The following PHF2 variants were observed in gnomAD, a reference collection of about 807,000 sequenced individuals.
The protein encoded by PHF2 is lysine-specific demethylase PHF2.
In PHF2, 27 loss-of-function variants were observed where a neutral mutation model predicts 120.5. The observed-to-expected ratio is 0.22, with a 90% CI of 0.17 to 0.31. The LOEUF (loss-of-function observed/expected upper bound fraction) is 0.31. PHF2 is among the 10% of genes least tolerant of loss of function. PHF2 has a pLI of 1.00. For missense variants in PHF2, 1,024 were observed against 1,434.8 expected (o/e 0.71, Z 4.63); for synonymous variants, 568 against 592.5 (o/e 0.96, Z 0.60).
At chr9:93,647,340 G>A (rs1045723450) in intron 4 of PHF2, among the ~76,000 whole-genome samples, 38 of 152,320 alleles carry the variant, frequency 2.5e-4, no homozygotes, top group African/African-American at 9.1e-4. Flanking sequence ...TAATCATGCG[G>A]GTGGGGCCTG....
intron 14 of PHF2, among the ~76,000 whole-genome samples, chr9:93,664,858 A>G (rs1267783992): frequency 6.6e-6 from 1 of 152,234 alleles, no homozygotes; most frequent in Admixed American, 6.5e-5. Flanking sequence ...CCCAGCCCGT[A>G]AGGCAGCGGG....
At chr9:93,606,136 A>G (rs1246860595) in intron 1 of PHF2, among the ~76,000 whole-genome samples, 1 of 151,878 alleles carries the variant, frequency 6.6e-6, no homozygotes, top group East Asian at 1.9e-4. Flanking sequence ...TGCTCAGCTA[A>G]TTTTTGTATT....
chr9:93,666,986 G>A, intron 16 of PHF2, 94 bp from the exon 17 acceptor site: 1 of 858,564 alleles, frequency 1.2e-6, no homozygotes, highest in East Asian at 3.0e-5. Flanking sequence ...AACTAGTTTA[G>A]TCCCTGAAGG....
chr9:93,665,605 A>C, intron 14 of PHF2, 81 bp from the exon 15 acceptor site: 3 of 1,471,872 alleles, frequency 2.0e-6, no homozygotes, highest in Non-Finnish European at 2.8e-6. Context: ...CGGCCCTGGC[A>C]GAGGACCCCT....
intron 2 of PHF2, among the ~76,000 whole-genome samples, chr9:93,634,761 G>T (rs1826062823): frequency 6.6e-6 from 1 of 152,234 alleles, no homozygotes; most frequent in Non-Finnish European, 1.5e-5. Context: ...ACTGTGTGCT[G>T]GGCCCAGTAC....
At chr9:93,654,096 CAA>C (rs1383010278) in intron 6 of PHF2, among the ~76,000 whole-genome samples, 3 of 152,216 alleles carry the variant, frequency 2.0e-5, no homozygotes, top group Non-Finnish European at 2.9e-5. Context: ...AAGTGGCTCT[CAA>C]GAGTGGAGCT....
intron 1 of PHF2, among the ~76,000 whole-genome samples, chr9:93,614,585 G>A (rs1825690867): frequency 6.6e-6 from 1 of 152,250 alleles, no homozygotes; most frequent in African/African-American, 2.4e-5. Context: ...AAGGGGCTGA[G>A]CTGGGGTCTC....
intron 13 of PHF2, among the ~76,000 whole-genome samples, chr9:93,663,313 A>G (rs1231115183): frequency 6.6e-6 from 1 of 152,098 alleles, no homozygotes; most frequent in Non-Finnish European, 1.5e-5. Context: ...TTCCCACTCC[A>G]TGGGGGTCAG....
intron 1 of PHF2, among the ~76,000 whole-genome samples, chr9:93,615,215 T>C (rs1391744969): frequency 6.6e-6 from 1 of 150,860 alleles, no homozygotes; most frequent in African/African-American, 2.4e-5. Context: ...GTGATGGTGA[T>C]GGTGATAGTA....
chr9:93,671,158 A>C, intron 17 of PHF2: 1 of 971,356 alleles, frequency 1.0e-6, no homozygotes, highest in Non-Finnish European at 1.2e-6. Context: ...GTGTGGATGT[A>C]GGTGTGGGAG....
At chr9:93,663,673 A>G (rs769099509) in intron 14 of PHF2, 38 bp downstream of exon 14, 2 of 1,166,380 alleles carry the variant, frequency 1.7e-6, no homozygotes, top group South Asian at 1.3e-5. Context: ...GACCTCGCGC[A>G]TAACCGACAT....
In PHF2 at chr9:93,665,883, TTGGGGGAGGGGTG is replaced by T; in HGVS notation, c.2116+24_2116+36del. On this transcript the variant is annotated intron_variant, in intron 15 of 21. Coordinates refer to ENST00000359246, the MANE Select transcript of PHF2 (RefSeq NM_005392.4). ...TTGTCCTGTGAGTTGGGAGGGGGTG[TTGGGGGAGGGGTG>T]TGGGAGAGGCCCATCCTGCCCCGGA... is the stretch of plus-strand genomic sequence containing the variant. 1 of 1,612,626 alleles carries T rather than the reference TTGGGGGAGGGGTG, an allele frequency of 6.2e-7. No individual in the cohort carries two copies. The highest frequency in any genetic ancestry group is 8.5e-7 in the Non-Finnish European group (1 of 1,179,802).
intron 9 of PHF2, among the ~76,000 whole-genome samples, chr9:93,657,524 C>T (rs1826482085): frequency 6.6e-6 from 1 of 152,226 alleles, no homozygotes; most frequent in African/African-American, 2.4e-5. Context: ...TACTGGCCAG[C>T]CAGGCCACTG....
At chr9:93,589,902 G>A (rs923221560) in intron 1 of PHF2, among the ~76,000 whole-genome samples, 5 of 152,154 alleles carry the variant, frequency 3.3e-5, no homozygotes, top group Non-Finnish European at 5.9e-5. Context: ...ACCCTGGGTC[G>A]TCACTCTTGA....
Position 93,654,411 on chromosome 9 carries a change from A to T in PHF2, c.790-2A>T. 6.2e-7 allele frequency: 1 copy of T among 1,610,506 alleles called. No homozygotes were observed. Among genetic ancestry groups the T allele is most frequent in the Non-Finnish European group, 8.5e-7 (1 of 1,177,380 alleles). ...GGCTCTGCCAACAGGCTCTCTTGGCAGGGGGAGAAGACCTTCTATCTCATC... is the reference window on the plus strand; with the variant it reads ...GGCTCTGCCAACAGGCTCTCTTGGCTGGGGGAGAAGACCTTCTATCTCATC... On this transcript the variant is annotated splice_acceptor_variant, in intron 6 of 21. Coordinates refer to ENST00000359246, the MANE Select transcript of PHF2 (RefSeq NM_005392.4). LOFTEE classifies it high-confidence loss of function.
chr9:93,662,495 G>A (rs114771476), intron 12 of PHF2, among the ~76,000 whole-genome samples: 1,655 of 151,008 alleles, frequency 0.011, 36 homozygotes, highest in African/African-American at 0.039. Context: ...GAATGGGTGG[G>A]TGGATGAATG....
chr9:93,675,751 A>T lies in PHF2; in HGVS notation c.2794A>T (p.Thr932Ser). Reference sequence around the variant, plus strand: ...GGGTACACGGGTGGCTTCCATCGAGACCGGGCTGGCGGCTGCTGCAGCTAA... The same window carrying T: ...GGGTACACGGGTGGCTTCCATCGAGTCCGGGCTGGCGGCTGCTGCAGCTAA... ...REGTRVASIE[T>S]GLAAAAAKLS... The change falls in exon 20 of 22, where the codon ACC becomes TCC. Residue 932 changes from threonine to serine, a missense_variant. Transcript: ENST00000359246. 6.2e-7 allele frequency: 1 copy of T among 1,612,590 alleles called. No individual in the cohort carries two copies. The highest frequency in any genetic ancestry group is 8.5e-7 in the Non-Finnish European group (1 of 1,179,890).
chr9:93,673,951 C>A, intron 18 of PHF2, 89 bp downstream of exon 18: 1 of 1,385,236 alleles, frequency 7.2e-7, no homozygotes, highest in East Asian at 2.5e-5. Context: ...ACATGCAGCT[C>A]TCCAAGTTAC....
intron 1 of PHF2, among the ~76,000 whole-genome samples, chr9:93,577,946 G>A (rs1006347645): frequency 1.3e-5 from 2 of 152,196 alleles, no homozygotes; most frequent in African/African-American, 4.8e-5. Flanking sequence ...GCCCTCTGGG[G>A]CTCCAGTCCC....
Sources: gnomAD v4.1 joint callset for allele counts (sites outside exome capture counted in the v4.1 genomes callset) on GRCh38, gnomAD v4.1.1 for gene constraint, MANE v1.5 for transcripts, NCBI Gene and HGNC (gene_info 2026-07-23, HGNC 2026-07-21) for gene names.